Variants in ST6GALNAC3 observed in about 807,000 individuals in gnomAD.
The protein encoded by ST6GALNAC3 is ST6 N-acetylgalactosaminide alpha-2,6-sialyltransferase 3, also known as alpha-N-acetylgalactosaminide alpha-2,6-sialyltransferase 3.
ST6GALNAC3 carries 25 observed loss-of-function variants against 32.7 expected under a neutral mutation model. The ratio of observed to expected loss-of-function variants is 0.76; its 90% CI spans 0.56 to 1.07. The LOEUF (loss-of-function observed/expected upper bound fraction) is 1.07. ST6GALNAC3 is among the 50% of genes least tolerant of loss of function. The probability of loss-of-function intolerance (pLI) is 0.00; values close to 1 mark genes in which losing one functional copy is unlikely to be tolerated. For missense variants in ST6GALNAC3, 355 were observed against 382.4 expected (o/e 0.93, Z 0.60); for synonymous variants, 129 against 133.1 (o/e 0.97, Z 0.21).
At chr1:76,466,917 C>T (rs1488263910) in intron 3 of ST6GALNAC3, among the ~76,000 whole-genome samples, 1 of 151,948 alleles carries the variant, frequency 6.6e-6, no homozygotes. Context: ...GATATTTTAG[C>T]TTTATAATTT....
chr1:76,554,688 G>GATAGA (rs1664820732), intron 3 of ST6GALNAC3, among the ~76,000 whole-genome samples: 1 of 152,108 alleles, frequency 6.6e-6, no homozygotes, highest in South Asian at 2.1e-4. Context: ...TTAGCTATCT[G>GATAGA]AGAAACTCTA....
chr1:76,304,482 C>T (rs149721812), intron 1 of ST6GALNAC3, among the ~76,000 whole-genome samples: 2 of 149,496 alleles, frequency 1.3e-5, no homozygotes, highest in Non-Finnish European at 1.5e-5. Flanking sequence ...TTGGAACTTG[C>T]AGAGATGAGG....
intron 1 of ST6GALNAC3, among the ~76,000 whole-genome samples, chr1:76,231,427 C>T (rs543400939): frequency 1.3e-4 from 20 of 152,174 alleles, no homozygotes; most frequent in Admixed American, 2.0e-4. Context: ...CATTGTTGTA[C>T]GATTAATCTC....
At chr1:76,272,603 A>T (rs981385165) in intron 1 of ST6GALNAC3, among the ~76,000 whole-genome samples, 1 of 152,158 alleles carries the variant, frequency 6.6e-6, no homozygotes, top group Non-Finnish European at 1.5e-5. Context: ...CTCTGAGTGG[A>T]TGCCACCCAT....
rs199721572 is a variant in ST6GALNAC3 at position 76,525,791 on chromosome 1, G to GTATATATATA, written c.624-101633_624-101624dup. ...TGTGTTTGTGTGTGTGTGTGTGTGTGTATATATATATATATATATATATAT... is the reference window on the plus strand; with the variant it reads ...TGTGTTTGTGTGTGTGTGTGTGTGTGTATATATATATATATATATATATATATATATATAT... On this transcript the variant is annotated intron_variant, in intron 3 of 4. Transcript: ENST00000328299. Among the ~76,000 whole-genome samples, 631 of 75,422 alleles carry GTATATATATA rather than the reference G, an allele frequency of 8.4e-3. 13 individuals carry two copies. The highest frequency in any genetic ancestry group is 0.011 in the Non-Finnish European group (360 of 32,990). The allele number at this position is 75,422 out of a possible 152,430, so 49.5% of individuals were successfully genotyped here. A position where few individuals can be genotyped will look rare whatever the true frequency, so the allele number is the denominator to read the frequency against.
intron 3 of ST6GALNAC3, among the ~76,000 whole-genome samples, chr1:76,507,560 G>T (rs1436086): frequency 0.05 from 7,655 of 152,210 alleles, 288 homozygotes; most frequent in Non-Finnish European, 0.073. Flanking sequence ...TGTGAGTGAC[G>T]TAATGTTTTC....
chr1:76,444,759 A>G (rs1055614729), intron 3 of ST6GALNAC3, among the ~76,000 whole-genome samples: 10 of 151,404 alleles, frequency 6.6e-5, no homozygotes, highest in African/African-American at 2.4e-4. Context: ...ACATTAAGGA[A>G]CCCTCTCTGC....
intron 1 of ST6GALNAC3, among the ~76,000 whole-genome samples, chr1:76,194,076 C>T (rs1425268445): frequency 6.6e-6 from 1 of 152,150 alleles, no homozygotes; most frequent in East Asian, 1.9e-4. Context: ...GAAGTAGGCA[C>T]TATGATCATC....
chr1:76,580,554 C>T (rs927096927), intron 3 of ST6GALNAC3, among the ~76,000 whole-genome samples: 2 of 152,134 alleles, frequency 1.3e-5, no homozygotes, highest in African/African-American at 4.8e-5. Flanking sequence ...AGGGAACCAG[C>T]TTCACCTGGT....
At chr1:76,468,445 T>G (rs2101619138) in intron 3 of ST6GALNAC3, among the ~76,000 whole-genome samples, 1 of 152,180 alleles carries the variant, frequency 6.6e-6, no homozygotes, top group Non-Finnish European at 1.5e-5. Flanking sequence ...ACGAGAATGC[T>G]GTAATTTTTC....
chr1:76,384,976 G>C (rs938847109), intron 2 of ST6GALNAC3, among the ~76,000 whole-genome samples: 7 of 151,970 alleles, frequency 4.6e-5, no homozygotes, highest in Non-Finnish European at 8.8e-5. Context: ...CAGATACAAT[G>C]GTAAGCAAAC....
intron 2 of ST6GALNAC3, among the ~76,000 whole-genome samples, chr1:76,329,549 A>G (rs72675982): frequency 0.078 from 11,902 of 152,230 alleles, 687 homozygotes; most frequent in East Asian, 0.29. Flanking sequence ...CTCTACATGT[A>G]GAAAAAGTCT....
At chr1:76,606,602 G>A (rs1647564540) in intron 3 of ST6GALNAC3, among the ~76,000 whole-genome samples, 1 of 151,978 alleles carries the variant, frequency 6.6e-6, no homozygotes, top group African/African-American at 2.4e-5. Context: ...AGCAGAAATA[G>A]CTAACACATG....
rs558372439 is a variant in ST6GALNAC3 at position 76,104,494 on chromosome 1, C to G, written c.18+29610C>G. 2.0e-5 allele frequency among the ~76,000 whole-genome samples: 3 copies of G among 152,214 alleles called. No homozygotes were observed. In the South Asian group the frequency reaches 6.2e-4, roughly 32 times the overall value. On this transcript the variant is annotated intron_variant, in intron 1 of 4. Transcript: ENST00000328299. ...GTCAGTTCCCCCATCCTTAGCAGGA[C>G]TTAAACACAAATCTTTATTTCCTTG...
At chr1:76,202,531 G>A (rs1484443271) in intron 1 of ST6GALNAC3, among the ~76,000 whole-genome samples, 1 of 152,032 alleles carries the variant, frequency 6.6e-6, no homozygotes, top group Admixed American at 6.5e-5. Flanking sequence ...CATGGCTCTT[G>A]GGAAACCCTG....
At chr1:76,539,590 T>C (rs1663855743) in intron 3 of ST6GALNAC3, among the ~76,000 whole-genome samples, 3 of 151,972 alleles carry the variant, frequency 2.0e-5, no homozygotes, top group Admixed American at 1.3e-4. Context: ...ACCTGCACCA[T>C]GGGAGAAAAT....
chr1:76,275,611 G>T (rs1346636037), intron 1 of ST6GALNAC3, among the ~76,000 whole-genome samples: 1 of 152,028 alleles, frequency 6.6e-6, no homozygotes, highest in Non-Finnish European at 1.5e-5. Flanking sequence ...TGGTGGGGAT[G>T]GGGTGTAATC....
At chr1:76,168,705 C>T (rs190186678) in intron 1 of ST6GALNAC3, among the ~76,000 whole-genome samples, 1 of 152,258 alleles carries the variant, frequency 6.6e-6, no homozygotes, top group African/African-American at 2.4e-5. Flanking sequence ...GAATTGAACC[C>T]TTTATCATAT....
chr1:76,357,549 G>C (rs888877544), intron 2 of ST6GALNAC3, among the ~76,000 whole-genome samples: 1 of 152,164 alleles, frequency 6.6e-6, no homozygotes, highest in African/African-American at 2.4e-5. Context: ...GTGGGACTCA[G>C]ATCAGATGTT....
Sources: allele counts gnomAD v4.1 joint callset (sites outside exome capture counted in the v4.1 genomes callset), GRCh38; gene constraint gnomAD v4.1.1; transcripts MANE v1.5; gene names NCBI Gene and HGNC (gene_info 2026-07-23, HGNC 2026-07-21).